Variants in RAD51C observed in about 807,000 individuals in gnomAD.
RAD51C encodes DNA repair protein RAD51 homolog 3.
Under a neutral mutation model 45.0 loss-of-function variants are expected in RAD51C, and 42 were observed. The observed-to-expected ratio is 0.93, with a 90% CI of 0.73 to 1.21. The LOEUF (loss-of-function observed/expected upper bound fraction) is 1.21. RAD51C is among the 50% of genes most tolerant of loss of function. The pLI is 0.00. For synonymous variants in RAD51C, 172 were observed against 159.8 expected (o/e 1.08, Z -0.58); for missense variants, 474 against 452.2 (o/e 1.05, Z -0.44).
chr17:58,696,159 G>T (rs1046635272), intron 2 of RAD51C, among the ~76,000 whole-genome samples: 1 of 151,920 alleles, frequency 6.6e-6, no homozygotes, highest in Non-Finnish European at 1.5e-5. Flanking sequence ...TTGGCTGGGC[G>T]CAGTGGCTGA....
intron 5 of RAD51C, among the ~76,000 whole-genome samples, chr17:58,711,496 A>T (rs185744943): frequency 2.0e-5 from 3 of 152,190 alleles, no homozygotes; most frequent in Admixed American, 2.0e-4. Context: ...TTTTTTGGAG[A>T]CAGAATCTTA....
intron 4 of RAD51C, chr17:58,705,964 T>A (rs2048365958): frequency 6.6e-6 from 1 of 152,138 alleles, no homozygotes; most frequent in Non-Finnish European, 1.5e-5. Context: ...TTGGTGAGAC[T>A]CAAGTTATAA....
At position 58,703,269 on chromosome 17, in the gene RAD51C, C is replaced by T; in HGVS notation, c.645C>T (p.Asp215=). The change falls in exon 4 of 9, where the codon GAC becomes GAT. Residue 215 remains aspartate (D), a synonymous_variant. Transcript: ENST00000337432. ...LSHIYYFRCR[D]YTELLAQVYL... is the part of the protein sequence containing the mutation. ...ATATTTATTATTTTCGCTGTCGTGA[C>T]TACACAGAGTTACTGGCACAAGTTT... 1 of 1,609,490 alleles carries T rather than the reference C, an allele frequency of 6.2e-7. No homozygotes were observed.
At chr17:58,697,788 C>T (rs1480671487) in intron 3 of RAD51C, among the ~76,000 whole-genome samples, 1 of 151,546 alleles carries the variant, frequency 6.6e-6, no homozygotes, top group African/African-American at 2.4e-5. Context: ...TCTTGGCTCA[C>T]TGCAACTTCC....
intron 7 of RAD51C, among the ~76,000 whole-genome samples, chr17:58,730,804 T>C (rs1205341707): frequency 6.6e-6 from 1 of 152,166 alleles, no homozygotes; most frequent in Admixed American, 6.6e-5. Context: ...GTATATAACA[T>C]AAAATTTACC....
intron 4 of RAD51C, among the ~76,000 whole-genome samples, chr17:58,704,513 G>C (rs2048317159): frequency 6.6e-6 from 1 of 151,506 alleles, no homozygotes; most frequent in South Asian, 2.1e-4. Context: ...TGGCTGGCCT[G>C]CCATTAGTAA....
chr17:58,692,724 G>T lies in RAD51C; in HGVS notation c.81G>T (p.Leu27=), dbSNP rs1311969744. The T allele has an allele frequency of 6.2e-7, 1 of 1,614,238 alleles. No individual in the cohort carries two copies. The highest frequency in any genetic ancestry group is 1.7e-5 in the Admixed American group (1 of 60,024). ...FPLSPAVRVK[L]VSAGFQTAEE... ...TGTCTCCAGCGGTGCGGGTGAAGCT[G>T]GTGTCTGCGGGGTTCCAGACTGCTG... Residue 27 remains leucine (L), a synonymous_variant, in exon 1 of 9, where the codon CTG becomes CTT. Coordinates refer to ENST00000337432, the MANE Select transcript of RAD51C (RefSeq NM_058216.3).
In RAD51C at chr17:58,694,882, C is replaced by G; in HGVS notation, c.146-49C>G. ...AAAGACAATCGATTATCATGTTACA[C>G]TTTTAAATCTCTAAAATTAGGGTTC... On this transcript the variant is annotated intron_variant, in intron 1 of 8. Coordinates refer to ENST00000337432, the MANE Select transcript of RAD51C (RefSeq NM_058216.3). The G allele has an allele frequency of 6.8e-7, 1 of 1,479,368 alleles. No individual in the cohort carries two copies. Among genetic ancestry groups the G allele is most frequent in the Non-Finnish European group, 9.4e-7 (1 of 1,059,366 alleles). The allele number at this position is 1,479,368 out of a possible 1,614,324, so 91.6% of individuals were successfully genotyped here.
chr17:58,725,175 C>T (rs984632038), intron 7 of RAD51C, among the ~76,000 whole-genome samples: 5 of 152,110 alleles, frequency 3.3e-5, no homozygotes, highest in African/African-American at 1.2e-4. Flanking sequence ...AATTTAAACA[C>T]ATTTTTTACT....
intron 7 of RAD51C, 53 bp downstream of exon 7, chr17:58,724,153 T>C (rs2143964150): frequency 6.6e-7 from 1 of 1,520,180 alleles, no homozygotes; most frequent in Admixed American, 1.7e-5. Flanking sequence ...TTATACTGAA[T>C]GAACACTTAC....
chr17:58,708,544 T>C (rs2048447571), intron 4 of RAD51C, among the ~76,000 whole-genome samples: 1 of 152,188 alleles, frequency 6.6e-6, no homozygotes, highest in Admixed American at 6.6e-5. Context: ...CATAAAAGCC[T>C]CTTGTTTAAT....
intron 6 of RAD51C, among the ~76,000 whole-genome samples, chr17:58,721,979 T>C (rs1305023044): frequency 6.6e-6 from 1 of 152,160 alleles, no homozygotes; most frequent in Non-Finnish European, 1.5e-5. Flanking sequence ...TGTCATTTTC[T>C]ATCACCCACT....
chr17:58,706,481 C>A, intron 4 of RAD51C: 1 of 406,048 alleles, frequency 2.5e-6, no homozygotes, highest in Non-Finnish European at 5.1e-6. Context: ...TGATGCTCTG[C>A]CTTCCAGGCC....
chr17:58,706,738 C>T (rs2048392626), intron 4 of RAD51C: 1 of 214,408 alleles, frequency 4.7e-6, no homozygotes, highest in Non-Finnish European at 1.1e-5. Context: ...GTCCAACAGC[C>T]TTCGTTCATT....
intron 7 of RAD51C, among the ~76,000 whole-genome samples, chr17:58,727,270 G>A (rs551678721): frequency 9.9e-5 from 15 of 151,960 alleles, no homozygotes; most frequent in African/African-American, 2.7e-4. Flanking sequence ...GATTGTAGGC[G>A]CCTGCCACCA....
At chr17:58,733,909 G>A (rs1168035190) in intron 8 of RAD51C, among the ~76,000 whole-genome samples, 3 of 152,052 alleles carry the variant, frequency 2.0e-5, no homozygotes, top group Non-Finnish European at 4.4e-5. Flanking sequence ...GGTAGAGATA[G>A]GGGTCACCAT....
chr17:58,709,842 A>G lies in RAD51C; in HGVS notation c.706-17A>G, dbSNP rs772028189. The G allele has an allele frequency of 1.9e-6, 3 of 1,594,550 alleles. No individual in the cohort carries two copies. Among genetic ancestry groups the G allele is most frequent in the East Asian group, 2.2e-5 (1 of 44,720 alleles). ...TATTTTTCGTAACAAATCTAATATTATCTCTTCTGTATTTAGGTTCGACTA... is the reference window on the plus strand; with the variant it reads ...TATTTTTCGTAACAAATCTAATATTGTCTCTTCTGTATTTAGGTTCGACTA... On this transcript the variant is annotated splice_polypyrimidine_tract_variant and intron_variant, in intron 4 of 8. Transcript: ENST00000337432.
chr17:58,725,005 G>A (rs764114240), intron 7 of RAD51C, among the ~76,000 whole-genome samples: 3 of 152,040 alleles, frequency 2.0e-5, no homozygotes, highest in African/African-American at 4.8e-5. Flanking sequence ...TAGGTTTTAC[G>A]GACCTGAAGC....
chr17:58,711,300 C>T (rs2048549128), intron 5 of RAD51C, among the ~76,000 whole-genome samples: 1 of 151,866 alleles, frequency 6.6e-6, no homozygotes, highest in Admixed American at 6.6e-5. Flanking sequence ...TATAAACGTC[C>T]TAACATGGAA....
Sources: allele counts gnomAD v4.1 joint callset (sites outside exome capture counted in the v4.1 genomes callset), GRCh38; gene constraint gnomAD v4.1.1; transcripts MANE v1.5; gene names NCBI Gene and HGNC (gene_info 2026-07-23, HGNC 2026-07-21).